Variants in SEMA3A observed in about 807,000 individuals in gnomAD.
SEMA3A encodes the protein semaphorin-3A.
A neutral mutation model predicts 97.9 loss-of-function variants in SEMA3A; 29 were observed. The observed-to-expected ratio is 0.30, with a 90% CI of 0.22 to 0.40. The LOEUF is 0.40. SEMA3A is among the 10% of genes least tolerant of loss of function. The pLI is 1.00. For missense variants in SEMA3A, 763 were observed against 951.3 expected (o/e 0.80, Z 2.60); for synonymous variants, 321 against 323.7 (o/e 0.99, Z 0.09).
chr7:84,007,390 G>A lies in SEMA3A; in HGVS notation c.1103C>T (p.Pro368Leu). The change falls in exon 10 of 17, where the codon CCT (proline) becomes CTT (leucine). Residue 368 changes from proline to leucine, a missense_variant. Pro to Leu is a moderately conservative substitution (Grantham distance 98). Coordinates refer to ENST00000265362, the MANE Select transcript of SEMA3A (RefSeq NM_006080.3). ...HRDGPNYQWVPYQGRVPYPRP... is the reference protein window; with the variant it reads ...HRDGPNYQWVLYQGRVPYPRP... ...TGGATAGGGGACTCTTCCTTGATAAGGCACCCATTGATAGTTGGGTCCATC... is the reference window on the plus strand; with the variant it reads ...TGGATAGGGGACTCTTCCTTGATAAAGCACCCATTGATAGTTGGGTCCATC... 6.2e-7 allele frequency: 1 copy of A among 1,609,006 alleles called. No individual in the cohort carries two copies. Among genetic ancestry groups the A allele is most frequent in the South Asian group, 1.1e-5 (1 of 90,282 alleles).
At chr7:84,150,761 C>T (rs1796627060) in intron 1 of SEMA3A, among the ~76,000 whole-genome samples, 1 of 152,114 alleles carries the variant, frequency 6.6e-6, no homozygotes, top group South Asian at 2.1e-4. Flanking sequence ...GCCTGCCTGC[C>T]TCTGTAGGCT....
intron 1 of SEMA3A, among the ~76,000 whole-genome samples, chr7:84,472,245 A>T (rs1017149594): frequency 1.3e-5 from 2 of 152,130 alleles, no homozygotes; most frequent in Admixed American, 1.3e-4. Flanking sequence ...ACAATGACAA[A>T]CATGAGTTAT....
intron 14 of SEMA3A, among the ~76,000 whole-genome samples, chr7:83,977,756 A>T (rs867211196): frequency 6.7e-6 from 1 of 148,378 alleles, no homozygotes; most frequent in African/African-American, 2.5e-5. Context: ...TAGTTTTAAA[A>T]TTTCTTTTCT....
At chr7:84,128,176 C>T (rs1795858035) in intron 3 of SEMA3A, among the ~76,000 whole-genome samples, 1 of 151,986 alleles carries the variant, frequency 6.6e-6, no homozygotes, top group African/African-American at 2.4e-5. Flanking sequence ...ATCTTTCACT[C>T]CAGAGTGCCT....
chr7:84,061,565 T>G (rs1385735103), intron 4 of SEMA3A, among the ~76,000 whole-genome samples: 1 of 152,194 alleles, frequency 6.6e-6, no homozygotes, highest in African/African-American at 2.4e-5. Flanking sequence ...TAGCTTTTTA[T>G]TTTTTGGCAA....
intron 4 of SEMA3A, among the ~76,000 whole-genome samples, chr7:84,091,214 A>AGG (rs1794583731): frequency 5.6e-5 from 3 of 53,460 alleles, no homozygotes; most frequent in South Asian, 5.3e-4. Context: ...GAAAGAAAGA[A>AGG]AAGAAAAGAA....
At chr7:84,298,361 G>T (rs189577284) in intron 3 of SEMA3A, among the ~76,000 whole-genome samples, 1 of 152,164 alleles carries the variant, frequency 6.6e-6, no homozygotes, top group Admixed American at 6.6e-5. Context: ...GCATAGCAGA[G>T]AATTAAAACA....
chr7:84,097,466 C>T (rs965571696), intron 4 of SEMA3A, among the ~76,000 whole-genome samples: 1 of 152,010 alleles, frequency 6.6e-6, no homozygotes, highest in Non-Finnish European at 1.5e-5. Flanking sequence ...AATGTCATTT[C>T]AGTGGCAGCA....
At chr7:84,401,050 G>T (rs867326144) in intron 1 of SEMA3A, among the ~76,000 whole-genome samples, 4 of 152,092 alleles carry the variant, frequency 2.6e-5, no homozygotes, top group Non-Finnish European at 5.9e-5. Flanking sequence ...GAAATAAAGG[G>T]CATTAGAAAT....
chr7:84,228,995 C>T (rs1799055154), intron 3 of SEMA3A, among the ~76,000 whole-genome samples: 2 of 151,990 alleles, frequency 1.3e-5, no homozygotes, highest in African/African-American at 2.4e-5. Context: ...TTCCAGAATT[C>T]TGACTTATTT....
chr7:84,438,359 A>G (rs1007468984), intron 1 of SEMA3A, among the ~76,000 whole-genome samples: 1 of 152,084 alleles, frequency 6.6e-6, no homozygotes, highest in African/African-American at 2.4e-5. Context: ...GCCTCCATCA[A>G]TTCAGTTAAC....
At chr7:84,290,638 T>C (rs530392465) in intron 3 of SEMA3A, among the ~76,000 whole-genome samples, 7 of 152,228 alleles carry the variant, frequency 4.6e-5, no homozygotes, top group African/African-American at 1.7e-4. Flanking sequence ...AGTTCTCTTC[T>C]GAAGTAAGCC....
chr7:84,234,320 C>A (rs1799184543), intron 3 of SEMA3A, among the ~76,000 whole-genome samples: 1 of 152,074 alleles, frequency 6.6e-6, no homozygotes, highest in Non-Finnish European at 1.5e-5. Flanking sequence ...CCCTAAAACC[C>A]TTCCACACTC....
rs562254521 is a variant in SEMA3A at position 84,317,161 on chromosome 7, T to C, written c.-168-9869A>G. On this transcript the variant is annotated intron_variant, in intron 2 of 3. Coordinates refer to the SEMA3A transcript ENST00000424555. ...TTGAGGGACTTTTATACAAAACTTATGGGAGTATACAGATTCTTTCCTTGG... is the reference window on the plus strand; with the variant it reads ...TTGAGGGACTTTTATACAAAACTTACGGGAGTATACAGATTCTTTCCTTGG... Among the ~76,000 whole-genome samples, 10 of 152,256 alleles carry C rather than the reference T, an allele frequency of 6.6e-5. No individual in the cohort carries two copies. In the East Asian group the frequency reaches 1.9e-3, roughly 29 times the overall value.
chr7:84,403,553 C>A (rs911245102), intron 1 of SEMA3A, among the ~76,000 whole-genome samples: 36 of 152,304 alleles, frequency 2.4e-4, no homozygotes, highest in African/African-American at 6.7e-4. Context: ...AGTAGTGGTT[C>A]TCCCAGCACG....
rs542955809 is a variant in SEMA3A at position 84,405,187 on chromosome 7, G to A, written c.-245-33287C>T. Among the ~76,000 whole-genome samples the A allele has an allele frequency of 7.2e-5, 11 of 152,178 alleles. No homozygotes were observed. In the East Asian group the frequency reaches 1.9e-3, roughly 27 times the overall value. On this transcript the variant is annotated intron_variant, in intron 1 of 3. Transcript: ENST00000424555. Reference sequence around the variant, plus strand: ...GAGACACACATAGGCTCAAAAAAAAGGGATGGAGGAAGATCTACCAAGGAA... The same window carrying A: ...GAGACACACATAGGCTCAAAAAAAAAGGATGGAGGAAGATCTACCAAGGAA...
intron 15 of SEMA3A, among the ~76,000 whole-genome samples, chr7:83,972,623 A>G (rs1001552087): frequency 3.9e-5 from 6 of 152,130 alleles, no homozygotes; most frequent in African/African-American, 1.4e-4. Context: ...TCCATAAACA[A>G]TAATGAAAAT....
At chr7:84,231,968 CAG>C (rs1341839885) in intron 3 of SEMA3A, among the ~76,000 whole-genome samples, 1 of 151,354 alleles carries the variant, frequency 6.6e-6, no homozygotes, top group Non-Finnish European at 1.5e-5. Flanking sequence ...GAGAGACAGA[CAG>C]AGTTAATAAA....
At chr7:84,095,802 T>C (rs1794755951) in intron 4 of SEMA3A, among the ~76,000 whole-genome samples, 1 of 151,982 alleles carries the variant, frequency 6.6e-6, no homozygotes, top group Non-Finnish European at 1.5e-5. Flanking sequence ...GTTGACTGCT[T>C]CAACTGATAG....
Sources: allele counts gnomAD v4.1 joint callset (sites outside exome capture counted in the v4.1 genomes callset), GRCh38; gene constraint gnomAD v4.1.1; transcripts MANE v1.5; gene names NCBI Gene and HGNC (gene_info 2026-07-23, HGNC 2026-07-21).